The following ZNF502 variants were observed in gnomAD, a reference collection of about 807,000 sequenced individuals.
The protein encoded by ZNF502 is zinc finger protein 502.
A neutral mutation model predicts 43.6 loss-of-function variants in ZNF502; 29 were observed. The observed-to-expected ratio is 0.67, with a 90% CI of 0.50 to 0.91. ZNF502 has a LOEUF of 0.91. ZNF502 is among the 40% of genes least tolerant of loss of function. The pLI, the probability that ZNF502 is intolerant of heterozygous loss-of-function variation, is 0.00. For missense variants in ZNF502, 591 were observed against 647.2 expected (o/e 0.91, Z 0.94); for synonymous variants, 171 against 207.4 (o/e 0.82, Z 1.51).
At chr3:44,713,632 G>A (rs1387944524) in intron 1 of ZNF502, among the ~76,000 whole-genome samples, 4 of 151,754 alleles carry the variant, frequency 2.6e-5, no homozygotes, top group Non-Finnish European at 5.9e-5. Context: ...CCAGGCTGGA[G>A]TGCAACGGGG....
rs1292490234 is a variant in ZNF502, at chr3:44,723,522, G to GC, written c.*1071dup. 1 of 98 alleles carries GC rather than the reference G, an allele frequency of 0.01. No individual in the cohort carries two copies. The highest frequency in any genetic ancestry group is 0.1 in the Admixed American group (1 of 10). The allele number at this position is 98 out of a possible 1,614,324, so 0.0% of individuals were successfully genotyped here. On this transcript the variant is annotated 3_prime_UTR_variant, in exon 3 of 3. Coordinates refer to ENST00000436624, the MANE Select transcript of ZNF502 (RefSeq NM_001134442.3). ...AATTTTCACTTGGTTGGACATTGGG[G>GC]CTCTTAAGAAAGTTGACATTTGTCG... is the stretch of plus-strand genomic sequence containing the variant.
chr3:44,719,173 A>G (rs1239398941), intron 1 of ZNF502, among the ~76,000 whole-genome samples: 1 of 152,236 alleles, frequency 6.6e-6, no homozygotes, highest in East Asian at 1.9e-4. Context: ...GGGTTTCTCC[A>G]TGTTGGCCAG....
intron 1 of ZNF502, among the ~76,000 whole-genome samples, chr3:44,717,405 CTTTTTTTTTTTTT>C (rs34497930): frequency 2.6e-5 from 2 of 76,030 alleles, no homozygotes; most frequent in South Asian, 5.7e-4. Context: ...GTGATGCAAT[CTTTTTTTTTTTTT>C]TTTTTTTTTT....
rs1704315439 is a variant in ZNF502, at chr3:44,721,187, G to C, written c.370G>C (p.Glu124Gln). 4 of 1,614,024 alleles carry C rather than the reference G, an allele frequency of 2.5e-6. No individual in the cohort carries two copies. The highest frequency in any genetic ancestry group is 1.3e-5 in the African/African-American group (1 of 74,934). The change falls in exon 3 of 3, where the codon GAG (glutamate) becomes CAG (glutamine). Residue 124 changes from glutamate to glutamine, a missense_variant. Physicochemically the swap from Glu to Gln is conservative, Grantham distance 29. Coordinates refer to ENST00000436624, the MANE Select transcript of ZNF502 (RefSeq NM_001134442.3). Reference protein sequence around the residue: ...LVTRLRVSTEESLHQWETSNI... With the variant: ...LVTRLRVSTEQSLHQWETSNI... ...TACACGTCTCAGGGTTTCTACAGAA[G>C]AGAGTCTGCATCAGTGGGAAACAAG... is the stretch of plus-strand genomic sequence containing the variant.
Position 44,721,257 on chromosome 3 carries a change from C to T in ZNF502, c.440C>T (p.Thr147Ile), listed in dbSNP as rs1420980812. 1 of 1,614,100 alleles carries T rather than the reference C, an allele frequency of 6.2e-7. No individual in the cohort carries two copies. The highest frequency in any genetic ancestry group is 2.2e-5 in the East Asian group (1 of 44,878). The change falls in exon 3 of 3, where the codon ACT becomes ATT. Residue 147 changes from threonine to isoleucine, a missense_variant. By Grantham distance (89) the Thr-to-Ile change is moderately conservative. Coordinates refer to ENST00000436624, the MANE Select transcript of ZNF502 (RefSeq NM_001134442.3). ...ATTTCAGACCAAAGTAAATGTCCAA[C>T]TCTCTGCACACAGAAAAAATCTTGG... ...NDISDQSKCPTLCTQKKSWKC... is the reference protein window; with the variant it reads ...NDISDQSKCPILCTQKKSWKC...
At position 44,721,203 on chromosome 3, in the gene ZNF502, G is replaced by T; in HGVS notation, c.386G>T (p.Trp129Leu). Residue 129 changes from tryptophan to leucine, a missense_variant, in exon 3 of 3, where the codon TGG becomes TTG. By Grantham distance (61) the Trp-to-Leu change is moderately conservative. Transcript: ENST00000436624. ...TCTACAGAAGAGAGTCTGCATCAGT[G>T]GGAAACAAGTAATATACAAACCAAT... ...RVSTEESLHQ[W>L]ETSNIQTNDI... The T allele has an allele frequency of 2.5e-6, 4 of 1,614,080 alleles. No homozygotes were observed. The South Asian group carries it at 4.4e-5, about 18-fold the overall frequency.
rs1704378861 is a variant in ZNF502 at position 44,722,307 on chromosome 3, A to C, written c.1490A>C (p.Glu497Ala). ...AAGCTCTATAAATGTAGTGAGTGTGAGAAAACCTTCCGCAAGTATGCACAC... is the reference window on the plus strand; with the variant it reads ...AAGCTCTATAAATGTAGTGAGTGTGCGAAAACCTTCCGCAAGTATGCACAC... ...GEKLYKCSEC[E>A]KTFRKYAHLS... is the part of the protein sequence containing the mutation. Residue 497 changes from glutamate (E) to alanine (A), a missense_variant, in exon 3 of 3, where the codon GAG becomes GCG. Coordinates refer to ENST00000436624, the MANE Select transcript of ZNF502 (RefSeq NM_001134442.3). The C allele has an allele frequency of 1.9e-6, 3 of 1,614,118 alleles. No individual in the cohort carries two copies. Among genetic ancestry groups the C allele is most frequent in the Non-Finnish European group, 2.5e-6 (3 of 1,180,000 alleles).
Position 44,720,244 on chromosome 3 carries a change from C to T in ZNF502, c.-18C>T, listed in dbSNP as rs150766017. 1.3e-3 allele frequency: 2,083 copies of T among 1,613,900 alleles called. 29 individuals are homozygous for T. The East Asian group carries it at 0.024, about 18-fold the overall frequency. On this transcript the variant is annotated 5_prime_UTR_variant, in exon 2 of 3. Coordinates refer to ENST00000436624, the MANE Select transcript of ZNF502 (RefSeq NM_001134442.3). ...GACCTGAAGTGTTTTCCAATCAAAG[C>T]GAAGAGACGATCTGTGGATGTTGAA...
In ZNF502 at chr3:44,722,458, C is replaced by T; in HGVS notation, c.*6C>T. 1 of 1,602,340 alleles carries T rather than the reference C, an allele frequency of 6.2e-7. No homozygotes were observed. Among genetic ancestry groups the T allele is most frequent in the Non-Finnish European group, 8.5e-7 (1 of 1,175,012 alleles). On this transcript the variant is annotated 3_prime_UTR_variant, in exon 3 of 3. Coordinates refer to ENST00000436624, the MANE Select transcript of ZNF502 (RefSeq NM_001134442.3). ...AACTTCACAGTGGTGACTAATGCTG[C>T]CATTTAGGTTATGACAGTTTCTCTA...
Position 44,721,513 on chromosome 3 carries a change from T to C in ZNF502, c.696T>C (p.Ile232=), listed in dbSNP as rs1286866400. The C allele has an allele frequency of 3.7e-6, 6 of 1,607,386 alleles. No homozygotes were observed. The African/African-American group carries it at 6.7e-5, about 18-fold the overall frequency. Residue 232 remains isoleucine, a synonymous_variant, in exon 3 of 3, where the codon ATT becomes ATC. Coordinates refer to ENST00000436624, the MANE Select transcript of ZNF502 (RefSeq NM_001134442.3). ...CATTTCTTACTCAGCATCAAAGAAT[T>C]CACACTGGAGAGAAACCTTATAAAT... ...CRSFLTQHQR[I]HTGEKPYKCN...
rs530419974 is a variant in ZNF502 at position 44,722,727 on chromosome 3, G to A, written c.*275G>A. The A allele has an allele frequency of 2.6e-6, 1 of 383,406 alleles. No homozygotes were observed. Among genetic ancestry groups the A allele is most frequent in the Non-Finnish European group, 4.7e-6 (1 of 212,718 alleles). 23.8% of individuals were successfully genotyped at this position (383,406 alleles called of 1,614,324 possible). On this transcript the variant is annotated 3_prime_UTR_variant, in exon 3 of 3. Coordinates refer to ENST00000436624, the MANE Select transcript of ZNF502 (RefSeq NM_001134442.3). ...CCCCATGTGACTCTTACAGCTTGAG[G>A]AGGCATTTGTTAGCACTTCTGTTCA...
At position 44,723,608 on chromosome 3, in the gene ZNF502, G is replaced by A. The variant is rs560618120; in HGVS notation, c.*1156G>A. ...TTTCAAATCCCTGAAAATCAGGATA[G>A]CACATTTTGCTACTGACTGTGACAG... is the stretch of plus-strand genomic sequence containing the variant. On this transcript the variant is annotated 3_prime_UTR_variant, in exon 3 of 3. Transcript: ENST00000436624. The A allele has an allele frequency of 6.6e-6, 1 of 152,336 alleles. No individual in the cohort carries two copies. The highest frequency in any genetic ancestry group is 2.4e-5 in the African/African-American group (1 of 41,570). The allele number at this position is 152,336 out of a possible 1,614,324, so 9.4% of individuals were successfully genotyped here.
At position 44,722,153 on chromosome 3, in the gene ZNF502, C is replaced by T; in HGVS notation, c.1336C>T (p.Gln446Ter). 1.2e-6 allele frequency: 2 copies of T among 1,614,128 alleles called. No individual in the cohort carries two copies. The highest frequency in any genetic ancestry group is 1.7e-6 in the Non-Finnish European group (2 of 1,180,028). The change falls in exon 3 of 3, where the codon CAG (glutamine) becomes TAG (stop). Residue 446 changes from glutamine (Q) to a stop codon, truncating the protein, a stop_gained. Coordinates refer to ENST00000436624, the MANE Select transcript of ZNF502 (RefSeq NM_001134442.3). LOFTEE classifies it high-confidence loss of function. ...KCNECGKGFN[Q>*]NTCLTQHMRI... is the part of the protein sequence containing the mutation. ...CAATGAATGTGGAAAGGGCTTTAAT[C>T]AGAACACCTGCCTCACTCAGCATAT...
chr3:44,720,889 C>G lies in ZNF502; in HGVS notation c.72C>G (p.Asn24Lys), dbSNP rs766681055. Residue 24 changes from asparagine (N) to lysine (K), a missense_variant, in exon 3 of 3, where the codon AAC becomes AAG. Coordinates refer to ENST00000436624, the MANE Select transcript of ZNF502 (RefSeq NM_001134442.3). ...TTCTTTCAGGCTGGGTAAACAAGAA[C>G]AAGCCTGCTCTGGAGCAGGATGTCT... ...RETCPGWVNK[N>K]KPALEQDVCK... 9 of 1,611,468 alleles carry G rather than the reference C, an allele frequency of 5.6e-6. No homozygotes were observed. In the South Asian group the frequency reaches 9.9e-5, roughly 18 times the overall value.
intron 1 of ZNF502, among the ~76,000 whole-genome samples, chr3:44,714,393 T>A (rs1704094015): frequency 6.6e-6 from 1 of 152,048 alleles, no homozygotes; most frequent in Admixed American, 6.6e-5. Context: ...GACCTAGGAG[T>A]CAGCAAATAT....
rs781771292 is a variant in ZNF502 at position 44,721,423 on chromosome 3, A to G, written c.606A>G (p.Gln202=). Residue 202 remains glutamine (Q), a synonymous_variant, in exon 3 of 3, where the codon CAA becomes CAG. Transcript: ENST00000436624. The part of the protein sequence containing the change: ...FSRSSFLVQH[Q]RIHTGVKPYG... ...GTAGTTCATTCCTTGTTCAACATCA[A>G]AGAATTCACACTGGAGTGAAACCAT... 1.3e-5 allele frequency: 21 copies of G among 1,614,034 alleles called. No individual in the cohort carries two copies. The highest frequency in any genetic ancestry group is 5.3e-5 in the African/African-American group (4 of 74,918).
intron 2 of ZNF502, 50 bp from the exon 3 acceptor site, chr3:44,720,823 C>A: frequency 6.5e-7 from 1 of 1,538,080 alleles, no homozygotes; most frequent in Non-Finnish European, 8.7e-7. Context: ...GTTTCAGGGG[C>A]CTTCACTCTG....
Position 44,721,715 on chromosome 3 carries a change from T to G in ZNF502, c.898T>G (p.Cys300Gly), listed in dbSNP as rs778278907. 2.5e-6 allele frequency: 4 copies of G among 1,613,234 alleles called. No individual in the cohort carries two copies. Among genetic ancestry groups the G allele is most frequent in the Non-Finnish European group, 3.4e-6 (4 of 1,179,320 alleles). ...TGEKPYICSE[C>G]GSSFRKHSNL... ...TGAGAAGCCTTACATATGCAGTGAA[T>G]GTGGCTCTTCTTTTCGAAAACACTC... The change falls in exon 3 of 3, where the codon TGT (cysteine) becomes GGT (glycine). Residue 300 changes from cysteine (C) to glycine (G), a missense_variant. Physicochemically the swap from Cys to Gly is radical, Grantham distance 159. Transcript: ENST00000436624.
chr3:44,721,800 G>A lies in ZNF502; in HGVS notation c.983G>A (p.Cys328Tyr). ...TGEKPHKCDE[C>Y]GKTFQTKANL... ...GAAAAACCCCATAAATGTGACGAAT[G>A]TGGGAAAACTTTCCAAACAAAGGCA... The change falls in exon 3 of 3, where the codon TGT becomes TAT. Residue 328 changes from cysteine to tyrosine, a missense_variant. Cys to Tyr is a radical substitution (Grantham distance 194). Transcript: ENST00000436624. The A allele has an allele frequency of 4.3e-6, 7 of 1,614,162 alleles. No homozygotes were observed. Among genetic ancestry groups the A allele is most frequent in the Non-Finnish European group, 5.9e-6 (7 of 1,180,016 alleles).
Sources: gnomAD v4.1 joint callset for allele counts (sites outside exome capture counted in the v4.1 genomes callset) on GRCh38, gnomAD v4.1.1 for gene constraint, MANE v1.5 for transcripts, NCBI Gene and HGNC (gene_info 2026-07-23, HGNC 2026-07-21) for gene names.